The following CNTN4 variants were observed in gnomAD, a reference collection of about 807,000 sequenced individuals.
The protein encoded by CNTN4 is contactin-4.
A neutral mutation model predicts 122.5 loss-of-function variants in CNTN4; 77 were observed. The observed-to-expected ratio is 0.63, with a 90% CI of 0.52 to 0.76. The LOEUF (loss-of-function observed/expected upper bound fraction) is 0.76, where lower values mean the gene tolerates loss of function less well. CNTN4 is among the 30% of genes least tolerant of loss of function. The pLI is 0.00. For synonymous variants in CNTN4, 512 were observed against 447.0 expected (o/e 1.15, Z -1.83); for missense variants, 1,256 against 1,259.1 (o/e 1.00, Z 0.04).
intron 4 of CNTN4, among the ~76,000 whole-genome samples, chr3:2,654,926 T>A (rs1023154465): frequency 6.6e-6 from 1 of 152,158 alleles, no homozygotes; most frequent in Non-Finnish European, 1.5e-5. Context: ...CCTTGACATC[T>A]TACATGCAGC....
At chr3:2,703,307 A>G (rs1242586765) in intron 4 of CNTN4, among the ~76,000 whole-genome samples, 2 of 152,314 alleles carry the variant, frequency 1.3e-5, no homozygotes, top group Middle Eastern at 3.4e-3. Context: ...GTATGAGTAT[A>G]TATTGCAATG....
chr3:2,343,519 G>T (rs1244589714), intron 3 of CNTN4, among the ~76,000 whole-genome samples: 1 of 152,128 alleles, frequency 6.6e-6, no homozygotes, highest in Non-Finnish European at 1.5e-5. Context: ...CATTTACATA[G>T]TGTAACTAAG....
chr3:3,044,839 T>C (rs1700479860), intron 23 of CNTN4, among the ~76,000 whole-genome samples: 1 of 152,088 alleles, frequency 6.6e-6, no homozygotes, highest in African/African-American at 2.4e-5. Context: ...GGGCAAAGGG[T>C]CAAGGAATTC....
At chr3:2,323,351 C>T (rs1197684454) in intron 2 of CNTN4, among the ~76,000 whole-genome samples, 6 of 152,028 alleles carry the variant, frequency 3.9e-5, no homozygotes, top group South Asian at 2.1e-4. Flanking sequence ...AATGGGAGAA[C>T]GTTGTTGCGT....
intron 13 of CNTN4, among the ~76,000 whole-genome samples, chr3:2,939,987 T>A (rs2151493467): frequency 6.6e-6 from 1 of 152,336 alleles, no homozygotes; most frequent in Middle Eastern, 3.4e-3. Flanking sequence ...GCCACTGTGG[T>A]AAACATTGAC....
chr3:2,932,854 G>A (rs956368414), intron 13 of CNTN4, among the ~76,000 whole-genome samples: 14 of 150,156 alleles, frequency 9.3e-5, no homozygotes, highest in Admixed American at 4.0e-4. Context: ...ACGGAGTCTC[G>A]CTCTGTCGCC....
intron 2 of CNTN4, among the ~76,000 whole-genome samples, chr3:2,156,828 C>T (rs2035743250): frequency 6.6e-6 from 1 of 152,180 alleles, no homozygotes; most frequent in Non-Finnish European, 1.5e-5. Flanking sequence ...GATCCGATCA[C>T]TCTTTATGAG....
chr3:2,492,423 G>A (rs945231269), intron 3 of CNTN4, among the ~76,000 whole-genome samples: 5 of 152,040 alleles, frequency 3.3e-5, no homozygotes, highest in African/African-American at 4.8e-5. Context: ...TGTCATACCC[G>A]GTTGACAACT....
intron 2 of CNTN4, among the ~76,000 whole-genome samples, chr3:2,233,662 G>A (rs1441856277): frequency 6.6e-6 from 1 of 151,948 alleles, no homozygotes; most frequent in African/African-American, 2.4e-5. Context: ...ACCCCCAATT[G>A]AACCGTTTAA....
At chr3:2,765,072 G>A (rs964151850) in intron 6 of CNTN4, among the ~76,000 whole-genome samples, 1 of 152,184 alleles carries the variant, frequency 6.6e-6, no homozygotes, top group Non-Finnish European at 1.5e-5. Flanking sequence ...ACTCAAAACT[G>A]AGTTTAGAAT....
rs528638337 is a variant in CNTN4 at position 2,677,549 on chromosome 3, G to A, written c.56-58666G>A. ...GTAGAGAGAAAGAGCACACACTTAC[G>A]ACTGGTTTATCTTAACAGGAGCTTT... On this transcript the variant is annotated intron_variant, in intron 4 of 24. Coordinates refer to ENST00000418658, the MANE Select transcript of CNTN4 (RefSeq NM_175607.3). Among the ~76,000 whole-genome samples the A allele has an allele frequency of 8.2e-5, 12 of 146,242 alleles. No individual in the cohort carries two copies. In the East Asian group the frequency reaches 2.0e-3, roughly 25 times the overall value.
intron 3 of CNTN4, among the ~76,000 whole-genome samples, chr3:2,526,402 A>G (rs1447263997): frequency 6.6e-6 from 1 of 152,134 alleles, no homozygotes; most frequent in East Asian, 1.9e-4. Flanking sequence ...TGCTTGGAAA[A>G]CAAATACCAA....
chr3:2,801,542 AT>A (rs1287550683), intron 6 of CNTN4, among the ~76,000 whole-genome samples: 3 of 152,220 alleles, frequency 2.0e-5, no homozygotes, highest in Non-Finnish European at 2.9e-5. Context: ...TCTTGGTAAA[AT>A]AATGAAGATA....
intron 10 of CNTN4, among the ~76,000 whole-genome samples, chr3:2,889,869 A>G: frequency 6.6e-6 from 1 of 152,218 alleles, no homozygotes. Flanking sequence ...ACAGTACTCC[A>G]GGATTACTGT....
Position 2,841,987 on chromosome 3 carries a change from T to G in CNTN4, c.454+22406T>G, listed in dbSNP as rs75194059. Among the ~76,000 whole-genome samples the G allele has an allele frequency of 5.3e-4, 80 of 152,234 alleles. No homozygotes were observed. The highest frequency in any genetic ancestry group is 1.2e-3 in the Admixed American group (18 of 15,288). On this transcript the variant is annotated intron_variant, in intron 7 of 24. Transcript: ENST00000418658. The surrounding 1 kb of genome is among the most constrained non-coding windows in gnomAD (Gnocchi z 4.8). ...CCAGAAATAAATAAATAAATGAAGC[T>G]AGCTGCCCCCATTTTTTTCAAGAAC...
At chr3:2,421,193 G>C (rs1287828277) in intron 3 of CNTN4, among the ~76,000 whole-genome samples, 1 of 151,642 alleles carries the variant, frequency 6.6e-6, no homozygotes, top group Non-Finnish European at 1.5e-5. Context: ...ATGCCTTCTT[G>C]TGAGGCATTA....
intron 2 of CNTN4, among the ~76,000 whole-genome samples, chr3:2,215,493 T>A (rs2038797112): frequency 6.6e-6 from 1 of 152,216 alleles, no homozygotes; most frequent in Non-Finnish European, 1.5e-5. Context: ...AGATGTTGAA[T>A]CACTGGGTTG....
intron 3 of CNTN4, among the ~76,000 whole-genome samples, chr3:2,396,075 C>A (rs373149490): frequency 6.6e-6 from 1 of 151,122 alleles, no homozygotes; most frequent in African/African-American, 2.4e-5. Context: ...GCCTCAGTGT[C>A]GTACAATGAC....
intron 13 of CNTN4, among the ~76,000 whole-genome samples, chr3:2,967,325 C>T (rs968793047): frequency 6.6e-6 from 1 of 152,232 alleles, no homozygotes; most frequent in East Asian, 1.9e-4. Context: ...ATCTCAAGCA[C>T]TGGTCTTAGA....
Sources: gnomAD v4.1 joint callset for allele counts (sites outside exome capture counted in the v4.1 genomes callset) on GRCh38, gnomAD v4.1.1 for gene constraint, Gnocchi (gnomAD v3.1) non-coding constraint, MANE v1.5 for transcripts, NCBI Gene and HGNC (gene_info 2026-07-23, HGNC 2026-07-21) for gene names.